The following B4GALT3 variants were observed in gnomAD, a reference collection of about 807,000 sequenced individuals.
B4GALT3 encodes the protein N-acetyllactosamine synthase.
B4GALT3 carries 29 observed loss-of-function variants against 40.7 expected under a neutral mutation model. The ratio of observed to expected loss-of-function variants is 0.71; its 90% CI spans 0.53 to 0.97. B4GALT3 has a LOEUF of 0.97. B4GALT3 is among the 50% of genes least tolerant of loss of function. The pLI, the probability that B4GALT3 is intolerant of heterozygous loss-of-function variation, is 0.00. For missense variants in B4GALT3, 390 were observed against 522.3 expected (o/e 0.75, Z 2.47); for synonymous variants, 182 against 203.9 (o/e 0.89, Z 0.92).
In B4GALT3 at chr1:161,171,784, G is replaced by A; in HGVS notation, c.*32C>T. The A allele has an allele frequency of 5.0e-6, 8 of 1,610,388 alleles. No homozygotes were observed. The highest frequency in any genetic ancestry group is 5.9e-6 in the Non-Finnish European group (7 of 1,177,558). ...GGGAGAATACAACCCCATGAATTCG[G>A]TTTCATGATTAAGGTAGACAGGAAG... On this transcript the variant is annotated 3_prime_UTR_variant, in exon 8 of 8. Transcript: ENST00000319769.
chr1:161,174,350 G>T (rs1171815097), intron 4 of B4GALT3, among the ~76,000 whole-genome samples: 5 of 150,858 alleles, frequency 3.3e-5, no homozygotes, highest in Admixed American at 6.6e-5. Context: ...GGAGCTTGCA[G>T]TCAGCCGAGA....
In B4GALT3 at chr1:161,171,471, G is replaced by A; in HGVS notation, c.*345C>T. ...CATAAATAGAATAAATATTCACAGA[G>A]GTCCGAGGAGAAGCCAGATCACTCT... is the stretch of plus-strand genomic sequence containing the variant. On this transcript the variant is annotated 3_prime_UTR_variant, in exon 8 of 8. Transcript: ENST00000319769. The A allele has an allele frequency of 1.7e-6, 1 of 590,652 alleles. No homozygotes were observed. Among genetic ancestry groups the A allele is most frequent in the Non-Finnish European group, 3.0e-6 (1 of 337,556 alleles). 36.6% of individuals were successfully genotyped at this position (590,652 alleles called of 1,614,324 possible).
Position 161,174,977 on chromosome 1 carries a change from T to G in B4GALT3, c.489+16A>C. Reference sequence around the variant, plus strand: ...TAGAAGAAAGTCAGTCAAAATGAGGTGGAGATTGGGGGTACCTGGTGGATG... The same window carrying G: ...TAGAAGAAAGTCAGTCAAAATGAGGGGGAGATTGGGGGTACCTGGTGGATG... On this transcript the variant is annotated intron_variant, in intron 4 of 7. Coordinates refer to ENST00000319769, the MANE Select transcript of B4GALT3 (RefSeq NM_003779.4). 2.5e-6 allele frequency: 4 copies of G among 1,608,968 alleles called. No homozygotes were observed. Among genetic ancestry groups the G allele is most frequent in the Non-Finnish European group, 3.4e-6 (4 of 1,176,280 alleles).
Position 161,171,866 on chromosome 1 carries a change from G to T in B4GALT3, c.1132C>A (p.Pro378Thr). The change falls in exon 8 of 8, where the codon CCT (proline) becomes ACT (threonine). Residue 378 changes from proline to threonine, a missense_variant. Transcript: ENST00000319769. ...EMLQRRPPARPGPLSTANHTA... is the reference protein window; with the variant it reads ...EMLQRRPPARTGPLSTANHTA... ...TGGTTGGCAGTAGATAGAGGCCCAG[G>T]CCTGGCTGGGGGCCGGCGTTGCAGC... 3 of 1,614,204 alleles carry T rather than the reference G, an allele frequency of 1.9e-6. No homozygotes were observed. The East Asian group carries it at 6.7e-5, about 36-fold the overall frequency.
rs754598733 is a variant in B4GALT3, at chr1:161,175,173, C to T, written c.309G>A (p.Glu103=). 1.5e-5 allele frequency: 25 copies of T among 1,613,620 alleles called. No individual in the cohort carries two copies. In the Admixed American group the frequency reaches 4.2e-4, roughly 27 times the overall value. ...CCCCTGGTTCTACCCGGGGATTCCG[C>T]TCCACAATCTCTGCCAGTGATGGCA... ...SPVPSLAEIV[E]RNPRVEPGGR... Residue 103 remains glutamate (E), a synonymous_variant, in exon 4 of 8, where the codon GAG becomes GAA. Transcript: ENST00000319769.
rs1174391862 is a variant in B4GALT3 at position 161,174,069 on chromosome 1, A to G, written c.490-20T>C. On this transcript the variant is annotated intron_variant, in intron 4 of 7. Transcript: ENST00000319769. The stretch of plus-strand genomic sequence containing the variant: ...TCCAGCCTGGAAGATAATGGAGGGG[A>G]ACCAGACTATGTCTGTAGGTGGCAC... 6.2e-7 allele frequency: 1 copy of G among 1,610,732 alleles called. No homozygotes were observed. The highest frequency in any genetic ancestry group is 1.7e-5 in the Admixed American group (1 of 59,894).
chr1:161,174,517 A>G (rs985272095), intron 4 of B4GALT3, among the ~76,000 whole-genome samples: 1 of 152,200 alleles, frequency 6.6e-6, no homozygotes, highest in African/African-American at 2.4e-5. Flanking sequence ...CCACTTAGTC[A>G]TTTGACAAAT....
intron 1 of B4GALT3, chr1:161,176,817 G>A: frequency 3.3e-6 from 5 of 1,524,586 alleles, no homozygotes; most frequent in Non-Finnish European, 4.4e-6. Flanking sequence ...AGTGGGGACA[G>A]GACAGCTAAT....
intron 1 of B4GALT3, chr1:161,176,792 C>T: frequency 6.9e-7 from 1 of 1,446,180 alleles, no homozygotes; most frequent in South Asian, 1.2e-5. Flanking sequence ...CCCACCCCAA[C>T]AGGACAGATT....
chr1:161,174,061 T>A lies in B4GALT3; in HGVS notation c.490-12A>T, dbSNP rs377195925. The A allele has an allele frequency of 5.6e-6, 9 of 1,611,626 alleles. No individual in the cohort carries two copies. In the African/African-American group the frequency reaches 1.2e-4, roughly 22 times the overall value. Reference sequence around the variant, plus strand: ...GTTCCATTTCCAGCCTGGAAGATAATGGAGGGGAACCAGACTATGTCTGTA... The same window carrying A: ...GTTCCATTTCCAGCCTGGAAGATAAAGGAGGGGAACCAGACTATGTCTGTA... On this transcript the variant is annotated splice_polypyrimidine_tract_variant and intron_variant, in intron 4 of 7. Transcript: ENST00000319769.
chr1:161,173,568 C>G, intron 6 of B4GALT3, 37 bp downstream of exon 6: 1 of 1,612,592 alleles, frequency 6.2e-7, no homozygotes, highest in Non-Finnish European at 8.5e-7. Context: ...GGGATCCAGA[C>G]TGGGGTCAGG....
rs1663296077 is a variant in B4GALT3, at chr1:161,175,816, G to A, written c.245C>T (p.Pro82Leu). ...QGLPYCPERS[P>L]LLVGPVSVSF... ...CTTCCTCCTGCACTTACCTAAGAGAGGAGATCGTTCTGGACAGTAGGGCAG... is the reference window on the plus strand; with the variant it reads ...CTTCCTCCTGCACTTACCTAAGAGAAGAGATCGTTCTGGACAGTAGGGCAG... The change falls in exon 3 of 8, where the codon CCT becomes CTT. Residue 82 changes from proline to leucine, a missense_variant. By Grantham distance (98) the Pro-to-Leu change is moderately conservative (BLOSUM62 -3). This residue lies in a region of B4GALT3 where 183 missense variants were observed against 223.2 expected (regional missense o/e 0.82). Coordinates refer to ENST00000319769, the MANE Select transcript of B4GALT3 (RefSeq NM_003779.4). 1 of 1,613,970 alleles carries A rather than the reference G, an allele frequency of 6.2e-7. No individual in the cohort carries two copies. The highest frequency in any genetic ancestry group is 1.3e-5 in the African/African-American group (1 of 74,912).
At chr1:161,177,241 A>C in intron 1 of B4GALT3, 182 bp downstream of exon 1, 1 of 657,350 alleles carries the variant, frequency 1.5e-6, no homozygotes, top group Non-Finnish European at 2.6e-6. Flanking sequence ...ATCCTATCCC[A>C]GTCTCTTGCT....
chr1:161,171,834 G>A lies in B4GALT3; in HGVS notation c.1164C>T (p.Ala388=), dbSNP rs779921161. 6.2e-7 allele frequency: 1 copy of A among 1,614,154 alleles called. No homozygotes were observed. The highest frequency in any genetic ancestry group is 8.5e-7 in the Non-Finnish European group (1 of 1,180,020). Residue 388 remains alanine (A), a synonymous_variant, in exon 8 of 8, where the codon GCC becomes GCT. Transcript: ENST00000319769. ...GGAGGAGTCAGTGTGAACCTCGGAG[G>A]GCTGTGTGGTTGGCAGTAGATAGAG... ...PGPLSTANHT[A]LRGSH
intron 3 of B4GALT3, 60 bp downstream of exon 3, chr1:161,175,748 A>T: frequency 4.4e-6 from 7 of 1,588,702 alleles, no homozygotes; most frequent in Non-Finnish European, 6.0e-6. Context: ...CCCTATCCCC[A>T]AGCCTCCCTG....
In B4GALT3 at chr1:161,171,366, G is replaced by A; in HGVS notation, c.*450C>T. ...TCAAAATCCCAGCCCCCTGAGCCAG[G>A]ACCAGAAGAGGGAGCTATTCCAGCA... is the stretch of plus-strand genomic sequence containing the variant. On this transcript the variant is annotated 3_prime_UTR_variant, in exon 8 of 8. Transcript: ENST00000319769. The A allele has an allele frequency of 1.0e-6, 1 of 1,004,026 alleles. No homozygotes were observed. The highest frequency in any genetic ancestry group is 1.5e-6 in the Non-Finnish European group (1 of 683,396). The allele number at this position is 1,004,026 out of a possible 1,614,324, so 62.2% of individuals were successfully genotyped here.
chr1:161,177,074 C>T (rs1260055301), intron 1 of B4GALT3: 3 of 1,535,230 alleles, frequency 2.0e-6, no homozygotes, highest in South Asian at 1.2e-5. Flanking sequence ...TACCTTTCCC[C>T]TCTTCTAGCG....
Position 161,176,152 on chromosome 1 carries a change from G to C in B4GALT3, c.-14-78C>G, listed in dbSNP as rs570799484. The C allele has an allele frequency of 6.4e-5, 94 of 1,475,802 alleles. No individual in the cohort carries two copies. In the African/African-American group the frequency reaches 1.2e-3, roughly 19 times the overall value. 91.4% of individuals were successfully genotyped at this position (1,475,802 alleles called of 1,614,324 possible). A position where few individuals can be genotyped will look rare whatever the true frequency, so the allele number is the denominator to read the frequency against. ...AGAGAGGTCAGTAGGTAGGGTTGAA[G>C]GTGATGCCAGGGGTAAAGAGGAAAA... On this transcript the variant is annotated intron_variant, in intron 2 of 7. Transcript: ENST00000319769.
chr1:161,177,266 T>C (rs941945610), intron 1 of B4GALT3, 157 bp downstream of exon 1: 34 of 605,042 alleles, frequency 5.6e-5, no homozygotes, highest in African/African-American at 1.1e-4. Context: ...CCCTACCTAC[T>C]AGCAACGTGA....
Sources: gnomAD v4.1 joint callset for allele counts (sites outside exome capture counted in the v4.1 genomes callset) on GRCh38, gnomAD v4.1.1 for gene constraint, gnomAD v4.1.1 regional missense constraint, MANE v1.5 for transcripts, NCBI Gene and HGNC (gene_info 2026-07-23, HGNC 2026-07-21) for gene names.